Variants in CPPED1 observed in about 807,000 individuals in gnomAD.
The protein encoded by CPPED1 is serine/threonine-protein phosphatase CPPED1.
A neutral mutation model predicts 28.0 loss-of-function variants in CPPED1; 28 were observed. The ratio of observed to expected loss-of-function variants is 1.00; its 90% CI spans 0.74 to 1.37. CPPED1 has a LOEUF of 1.37. Ranked by LOEUF, CPPED1 falls within the 40% of genes most tolerant of loss-of-function variation. The pLI is 0.00. For missense variants in CPPED1, 504 were observed against 416.5 expected, an observed-to-expected ratio of 1.21 and a Z score of -1.83; for synonymous variants, 198 against 180.2, an observed-to-expected ratio of 1.10 and a Z score of -0.79.
In CPPED1 at chr16:12,755,202, C is replaced by T. The variant is rs187966541; in HGVS notation, c.289+25983G>A. On this transcript the variant is annotated intron_variant, in intron 2 of 3. Transcript: ENST00000381774. ...CATTGGAATTGCATCATTTTTATGA[C>T]GAGCATACCAGTGATGCTCATGTAT... Among the ~76,000 whole-genome samples the T allele has an allele frequency of 1.9e-3, 292 of 151,828 alleles. 1 individual carries two copies. The highest frequency in any genetic ancestry group is 0.017 in the Admixed American group (258 of 15,252).
intron 2 of CPPED1, among the ~76,000 whole-genome samples, chr16:12,706,707 A>G (rs900470804): frequency 4.6e-5 from 7 of 152,094 alleles, no homozygotes; most frequent in Non-Finnish European, 8.8e-5. Flanking sequence ...CATGAGGCCA[A>G]TGTGGACTGC....
chr16:12,713,278 T>C (rs1261581706), intron 2 of CPPED1, among the ~76,000 whole-genome samples: 1 of 152,178 alleles, frequency 6.6e-6, no homozygotes, highest in Non-Finnish European at 1.5e-5. Context: ...GGCAGCACAA[T>C]GTCTCTGCTA....
intron 3 of CPPED1, among the ~76,000 whole-genome samples, chr16:12,703,681 CAAA>C (rs11334902): frequency 2.2e-4 from 21 of 97,282 alleles, no homozygotes; most frequent in South Asian, 3.5e-4. Context: ...GACTTTGTCT[CAAA>C]AAAAAAAAAA....
At position 12,704,743 on chromosome 16, in the gene CPPED1, T is replaced by C; in HGVS notation, c.596A>G (p.His199Arg). The C allele has an allele frequency of 5.0e-6, 8 of 1,614,226 alleles. No individual in the cohort carries two copies. Among genetic ancestry groups the C allele is most frequent in the Non-Finnish European group, 6.8e-6 (8 of 1,180,036 alleles). Residue 199 changes from histidine (H) to arginine (R), a missense_variant, in exon 3 of 4, where the codon CAT (histidine) becomes CGT (arginine). Coordinates refer to ENST00000381774, the MANE Select transcript of CPPED1 (RefSeq NM_018340.3). Reference sequence around the variant, plus strand: ...CGGGATGTGCTGGAAGACGATGGCATGCTGGCAGTGCCGCTGCCTCGCGAT... The same window carrying C: ...CGGGATGTGCTGGAAGACGATGGCACGCTGGCAGTGCCGCTGCCTCGCGAT... ...LSIARQRHCQ[H>R]AIVFQHIPLF...
At chr16:12,765,036 G>A (rs1356972548) in intron 2 of CPPED1, among the ~76,000 whole-genome samples, 1 of 152,228 alleles carries the variant, frequency 6.6e-6, no homozygotes, top group Non-Finnish European at 1.5e-5. Context: ...GTCCCCGCTA[G>A]CACTGGGAAC....
rs35514566 is a variant in CPPED1, at chr16:12,748,956, TA to T, written c.289+32228del. 2.6e-3 allele frequency among the ~76,000 whole-genome samples: 382 copies of T among 146,330 alleles called. 4 individuals are homozygous for T. Among genetic ancestry groups the T allele is most frequent in the African/African-American group, 7.0e-3 (281 of 40,196 alleles). On this transcript the variant is annotated intron_variant, in intron 2 of 3. Transcript: ENST00000381774. ...ACCTTAATTAAAAATACTTTATTGC[TA>T]AAAAAAAAAATGCTAGCAATCATCT...
intron 2 of CPPED1, among the ~76,000 whole-genome samples, chr16:12,751,830 C>G (rs1050845880): frequency 6.6e-6 from 1 of 152,082 alleles, no homozygotes; most frequent in Non-Finnish European, 1.5e-5. Context: ...TTTTTTTATG[C>G]TTTTCAGTTT....
At chr16:12,696,929 C>T (rs2079994063) in intron 3 of CPPED1, among the ~76,000 whole-genome samples, 1 of 152,162 alleles carries the variant, frequency 6.6e-6, no homozygotes, top group Non-Finnish European at 1.5e-5. Context: ...ACCCCCTGCC[C>T]ACCGGCCCAG....
rs2080067813 is a variant in CPPED1 at position 12,709,311 on chromosome 16, A to G, written c.290-4262T>C. Among the ~76,000 whole-genome samples the G allele has an allele frequency of 6.6e-6, 1 of 152,106 alleles. No homozygotes were observed. Among genetic ancestry groups the G allele is most frequent in the African/African-American group, 2.4e-5 (1 of 41,406 alleles). ...GACATGACTCAGAAGAGGGGCAGAG[A>G]AGGATTGTTCTGGGGTCTCCAAGGT... On this transcript the variant is annotated intron_variant, in intron 2 of 3. Coordinates refer to ENST00000381774, the MANE Select transcript of CPPED1 (RefSeq NM_018340.3). The surrounding 1 kb of genome is among the most constrained non-coding windows in gnomAD (Gnocchi z 4.4).
At chr16:12,765,687 A>C (rs1006042752) in intron 2 of CPPED1, among the ~76,000 whole-genome samples, 1 of 152,230 alleles carries the variant, frequency 6.6e-6, no homozygotes, top group Admixed American at 6.5e-5. Flanking sequence ...CAAATAATAC[A>C]TATTGAATAG....
intron 2 of CPPED1, among the ~76,000 whole-genome samples, chr16:12,726,428 T>C (rs1488334972): frequency 6.8e-6 from 1 of 146,958 alleles, no homozygotes; most frequent in Admixed American, 6.9e-5. Context: ...CTACAATCTC[T>C]ACCTCCTGGG....
intron 2 of CPPED1, among the ~76,000 whole-genome samples, chr16:12,780,222 C>G (rs970206439): frequency 1.3e-5 from 2 of 152,076 alleles, no homozygotes; most frequent in Non-Finnish European, 2.9e-5. Flanking sequence ...CTCCTTCACC[C>G]AGGCTGGAGT....
chr16:12,785,315 T>A (rs987687803), intron 1 of CPPED1, among the ~76,000 whole-genome samples: 4 of 152,150 alleles, frequency 2.6e-5, no homozygotes, highest in African/African-American at 9.7e-5. Context: ...AGTGGCACAG[T>A]CATGGCTCCC....
At chr16:12,720,402 G>A (rs997293227) in intron 2 of CPPED1, 8 of 154,286 alleles carry the variant, frequency 5.2e-5, no homozygotes, top group Middle Eastern at 5.2e-4. Context: ...TTCAAATCCC[G>A]CACACCAAAG....
intron 3 of CPPED1, among the ~76,000 whole-genome samples, chr16:12,684,478 G>C (rs892863069): frequency 1.3e-5 from 2 of 152,186 alleles, no homozygotes; most frequent in African/African-American, 2.4e-5. Context: ...AGCAACTCCA[G>C]TGCCAGTGCC....
At chr16:12,736,502 G>A (rs1463871571) in intron 2 of CPPED1, among the ~76,000 whole-genome samples, 1 of 152,144 alleles carries the variant, frequency 6.6e-6, no homozygotes, top group Non-Finnish European at 1.5e-5. Context: ...GCCTCCCAAA[G>A]GGCTGGGATT....
Position 12,664,840 on chromosome 16 carries a change from T to TA in CPPED1, c.*45dup, listed in dbSNP as rs753746918. ...TGTGCAGCTGCTGTTTCTGGCAAAATAAAAAAATAGTGCAAGTGAAAAGTG... is the reference window on the plus strand; with the variant it reads ...TGTGCAGCTGCTGTTTCTGGCAAAATAAAAAAAATAGTGCAAGTGAAAAGTG... On this transcript the variant is annotated 3_prime_UTR_variant, in exon 4 of 4. Coordinates refer to ENST00000381774, the MANE Select transcript of CPPED1 (RefSeq NM_018340.3). The surrounding 1 kb of genome is among the most constrained non-coding windows in gnomAD (Gnocchi z 4.2). 6 of 1,605,760 alleles carry TA rather than the reference T, an allele frequency of 3.7e-6. No homozygotes were observed. The highest frequency in any genetic ancestry group is 2.2e-5 in the East Asian group (1 of 44,696).
chr16:12,790,200 GAT>G (rs2080588043), intron 1 of CPPED1, among the ~76,000 whole-genome samples: 1 of 152,188 alleles, frequency 6.6e-6, no homozygotes, highest in South Asian at 2.1e-4. Context: ...CTGAAAGACA[GAT>G]ATTCAAATTG....
chr16:12,715,939 C>T (rs1380148215), intron 2 of CPPED1, among the ~76,000 whole-genome samples: 2 of 151,970 alleles, frequency 1.3e-5, no homozygotes, highest in African/African-American at 2.4e-5. Flanking sequence ...GTAAAGTGGC[C>T]CAGGGAAGCC....
Sources: allele counts gnomAD v4.1 joint callset (sites outside exome capture counted in the v4.1 genomes callset), GRCh38; gene constraint gnomAD v4.1.1; non-coding constraint Gnocchi (gnomAD v3.1); transcripts MANE v1.5; gene names NCBI Gene and HGNC (gene_info 2026-07-23, HGNC 2026-07-21).